VBP1: variants seen among roughly 807,000 people sequenced by gnomAD.
VBP1 encodes prefoldin subunit 3.
A neutral mutation model predicts 15.5 loss-of-function variants in VBP1; 4 were observed. The observed-to-expected ratio is 0.26, with a 90% CI of 0.13 to 0.59. The LOEUF (loss-of-function observed/expected upper bound fraction) is 0.59, where lower values mean the gene tolerates loss of function less well. VBP1 is among the 20% of genes least tolerant of loss of function. The pLI is 0.90. For synonymous variants in VBP1, 61 were observed against 52.1 expected (o/e 1.17, Z -0.74); for missense variants, 108 against 139.6 (o/e 0.77, Z 1.14).
intron 1 of VBP1, among the ~76,000 whole-genome samples, chrX:155,217,879 G>C (rs1557309214): frequency 9.0e-6 from 1 of 111,654 alleles, no homozygotes; most frequent in Non-Finnish European, 1.9e-5. Flanking sequence ...TGGAGGTCCA[G>C]ACTGGCAGCT....
chrX:155,231,879 C>T (rs948995632), intron 4 of VBP1, among the ~76,000 whole-genome samples: 3 of 111,212 alleles, frequency 2.7e-5, no homozygotes, highest in East Asian at 2.8e-4. Flanking sequence ...GTACAGTGAG[C>T]GGTGCTGTAG....
intron 1 of VBP1, among the ~76,000 whole-genome samples, chrX:155,205,837 AAAG>A (rs1438145252): frequency 5.4e-5 from 6 of 111,700 alleles, no homozygotes; most frequent in African/African-American, 1.6e-4. Flanking sequence ...TGTTTGTATT[AAAG>A]GACATTGAGG....
chrX:155,205,045 A>AT (rs1360562313), intron 1 of VBP1, among the ~76,000 whole-genome samples: 1 of 111,984 alleles, frequency 8.9e-6, no homozygotes, highest in Non-Finnish European at 1.9e-5. Flanking sequence ...CTTTTAACTC[A>AT]TTTTTAGTTT....
intron 1 of VBP1, among the ~76,000 whole-genome samples, chrX:155,197,713 T>G (rs2074583576): frequency 8.9e-6 from 1 of 112,057 alleles, no homozygotes; most frequent in Non-Finnish European, 1.9e-5. Context: ...CATTTCCATC[T>G]GAGGTACCGG....
chrX:155,226,242 C>T (rs1480420463), intron 2 of VBP1, among the ~76,000 whole-genome samples: 1 of 111,565 alleles, frequency 9.0e-6, no homozygotes, highest in South Asian at 3.8e-4. Context: ...GTGACAAAAA[C>T]GGTATCATTG....
chrX:155,208,729 T>C, intron 1 of VBP1: 2 of 362,874 alleles, frequency 5.5e-6, no homozygotes, highest in Non-Finnish European at 9.3e-6. Context: ...CATCTGGCAT[T>C]TAGCATTCCT....
intron 2 of VBP1, among the ~76,000 whole-genome samples, chrX:155,211,380 A>G (rs1557308501): frequency 8.9e-6 from 1 of 112,333 alleles, no homozygotes; most frequent in Non-Finnish European, 1.9e-5. Flanking sequence ...ATAAATAATG[A>G]TCAAGCAATA....
At chrX:155,214,319 T>C (rs1342510691), upstream of VBP1, among the ~76,000 whole-genome samples, 2 of 112,643 alleles carry the variant, frequency 1.8e-5, no homozygotes, top group Non-Finnish European at 3.7e-5. Flanking sequence ...GGGAGATATG[T>C]ATTTGGCAAA....
intron 2 of VBP1, among the ~76,000 whole-genome samples, chrX:155,209,339 C>T (rs573189): frequency 0.49 from 54,658 of 110,926 alleles, 11,784 homozygotes; most frequent in East Asian, 0.72. Context: ...AGAACTGATA[C>T]TTAAGTTTAA....
chrX:155,227,171 A>C, intron 2 of VBP1, 64 bp from the exon 3 acceptor site: 1 of 983,183 alleles, frequency 1.0e-6, no homozygotes, highest in Non-Finnish European at 1.4e-6. Flanking sequence ...AAAGTTAGTA[A>C]GACCGTGTCC....
rs145009792 is a variant in VBP1 at position 155,220,785 on chromosome X, G to A, written c.218+478G>A. ...CAATTCACTGTAATAAATATTTATA[G>A]ATCTCTGTTTTGTGCATGTGCCAGC... is the stretch of plus-strand genomic sequence containing the variant. On this transcript the variant is annotated intron_variant, in intron 2 of 5. Transcript: ENST00000286428. Among the ~76,000 whole-genome samples the A allele has an allele frequency of 6.1e-3, 689 of 112,107 alleles. 5 individuals are homozygous for A. Among genetic ancestry groups the A allele is most frequent in the Admixed American group, 7.1e-3 (75 of 10,603 alleles).
intron 1 of VBP1, among the ~76,000 whole-genome samples, chrX:155,219,781 C>G (rs2074680225): frequency 9.0e-6 from 1 of 110,928 alleles, no homozygotes. Context: ...TATGTACCAT[C>G]TGAAATTGTC....
Position 155,239,536 on chromosome X carries a change from A to G in VBP1, c.*694A>G, listed in dbSNP as rs782241703. ...AAAACTCTGCCTAAGGTGATTTTGTAGTTCTTAACAGTTCTCCAGAGCATC... is the reference window on the plus strand; with the variant it reads ...AAAACTCTGCCTAAGGTGATTTTGTGGTTCTTAACAGTTCTCCAGAGCATC... On this transcript the variant is annotated 3_prime_UTR_variant, in exon 6 of 6. Transcript: ENST00000286428. 11 of 112,004 alleles carry G rather than the reference A, an allele frequency of 9.8e-5. 1 individual carries two copies. The Admixed American group carries it at 1.0e-3, about 11-fold the overall frequency. The allele number at this position is 112,004 out of a possible 1,213,427, so 9.2% of individuals were successfully genotyped here.
intron 2 of VBP1, 148 bp downstream of exon 2, chrX:155,220,455 C>T (rs899527463): frequency 3.9e-5 from 17 of 430,727 alleles, no homozygotes; most frequent in Non-Finnish European, 5.8e-5. Flanking sequence ...CCACCAGCAA[C>T]GTACAAGAGT....
intron 1 of VBP1, among the ~76,000 whole-genome samples, chrX:155,206,218 G>A (rs1317383471): frequency 1.0e-5 from 1 of 100,368 alleles, no homozygotes; most frequent in Admixed American, 1.2e-4. Context: ...TATTGAAAAG[G>A]TGACTCAGTC....
intron 1 of VBP1, among the ~76,000 whole-genome samples, chrX:155,206,913 G>A (rs1394000847): frequency 1.8e-5 from 2 of 111,023 alleles, no homozygotes; most frequent in Admixed American, 9.6e-5. Flanking sequence ...AAGAGGATTC[G>A]AGTATAATAT....
At chrX:155,228,065 G>T (rs1602890035) in intron 3 of VBP1, among the ~76,000 whole-genome samples, 1 of 111,409 alleles carries the variant, frequency 9.0e-6, no homozygotes, top group Non-Finnish European at 1.9e-5. Context: ...GCACTCGGGG[G>T]TGTGTGTGTG....
At chrX:155,216,623 G>A in intron 1 of VBP1, 48 bp downstream of exon 1, 1 of 1,161,186 alleles carries the variant, frequency 8.6e-7, no homozygotes, top group Non-Finnish European at 1.2e-6. Flanking sequence ...GCCTTGGACT[G>A]CCCCTTTCTT....
At chrX:155,224,843 A>C (rs2124081152) in intron 2 of VBP1, among the ~76,000 whole-genome samples, 1 of 111,429 alleles carries the variant, frequency 9.0e-6, no homozygotes, top group South Asian at 3.8e-4. Flanking sequence ...TCCTGTTTAC[A>C]GATGTTGACA....
Sources: allele counts gnomAD v4.1 joint callset (sites outside exome capture counted in the v4.1 genomes callset), GRCh38; gene constraint gnomAD v4.1.1; transcripts MANE v1.5; gene names NCBI Gene and HGNC (gene_info 2026-07-23, HGNC 2026-07-21).